Variants in THEMIS observed in about 807,000 individuals in gnomAD.
The protein encoded by THEMIS is protein THEMIS.
Under a neutral mutation model 52.6 loss-of-function variants are expected in THEMIS, and 37 were observed. The ratio of observed to expected loss-of-function variants is 0.70; its 90% confidence interval spans 0.54 to 0.93. The LOEUF (loss-of-function observed/expected upper bound fraction) is 0.93, where lower values mean the gene tolerates loss of function less well. Ranked by LOEUF, THEMIS falls within the 40% of genes least tolerant of loss-of-function variation. The probability of loss-of-function intolerance (pLI) is 0.00; values close to 1 mark genes in which losing one functional copy is unlikely to be tolerated. For missense variants in THEMIS, 808 were observed against 763.1 expected (o/e 1.06, Z -0.69); for synonymous variants, 292 against 272.7 (o/e 1.07, Z -0.70).
At chr6:127,777,292 A>G (rs928080519) in intron 4 of THEMIS, among the ~76,000 whole-genome samples, 1 of 151,160 alleles carries the variant, frequency 6.6e-6, no homozygotes, top group African/African-American at 2.4e-5. Flanking sequence ...CAATTATCTT[A>G]TTAGTGTTAC....
At chr6:127,858,698 T>C (rs1024386780) in intron 1 of THEMIS, among the ~76,000 whole-genome samples, 2 of 152,252 alleles carry the variant, frequency 1.3e-5, no homozygotes, top group Admixed American at 6.6e-5. Flanking sequence ...TATATAGACA[T>C]ACATATTAAA....
chr6:127,866,981 T>TTTATTTA (rs1225063709), intron 1 of THEMIS, among the ~76,000 whole-genome samples: 2 of 86,962 alleles, frequency 2.3e-5, no homozygotes, highest in Non-Finnish European at 5.2e-5. Flanking sequence ...TTATTTATTT[T>TTTATTTA]TTACTTTTGA....
intron 3 of THEMIS, among the ~76,000 whole-genome samples, chr6:127,826,389 A>G (rs1244220194): frequency 6.6e-6 from 1 of 152,182 alleles, no homozygotes; most frequent in Non-Finnish European, 1.5e-5. Flanking sequence ...TGTATCACTG[A>G]TTATACAATA....
chr6:127,816,748 G>A (rs1001325144), intron 3 of THEMIS, among the ~76,000 whole-genome samples: 1 of 152,086 alleles, frequency 6.6e-6, no homozygotes, highest in Non-Finnish European at 1.5e-5. Context: ...TAAGCCTACA[G>A]TGTCAGTCCT....
At chr6:127,759,824 C>CTCCT (rs1316431780) in intron 4 of THEMIS, among the ~76,000 whole-genome samples, 1 of 125,774 alleles carries the variant, frequency 8.0e-6, no homozygotes, top group Admixed American at 7.8e-5. Flanking sequence ...CATTCCTTCC[C>CTCCT]TCCTTCCCTC....
intron 5 of THEMIS, among the ~76,000 whole-genome samples, chr6:127,719,207 G>C (rs1167119348): frequency 6.6e-6 from 1 of 151,810 alleles, no homozygotes; most frequent in Non-Finnish European, 1.5e-5. Flanking sequence ...TCCTCCACAA[G>C]TCCGTTTGCT....
chr6:127,910,249 T>G (rs535088610), intron 1 of THEMIS, among the ~76,000 whole-genome samples: 8 of 152,300 alleles, frequency 5.3e-5, no homozygotes, highest in Admixed American at 1.3e-4. Flanking sequence ...GACTACCTTC[T>G]CAGTGTCTCT....
intron 4 of THEMIS, among the ~76,000 whole-genome samples, chr6:127,781,898 T>C (rs1776757615): frequency 6.6e-6 from 1 of 152,206 alleles, no homozygotes; most frequent in Non-Finnish European, 1.5e-5. Flanking sequence ...GGAGGCAGTC[T>C]GTCCCTTAGC....
intron 2 of THEMIS, among the ~76,000 whole-genome samples, chr6:127,846,090 G>GT: frequency 6.6e-6 from 1 of 152,080 alleles, no homozygotes; most frequent in South Asian, 2.1e-4. Context: ...TTTCAACTGT[G>GT]TAAGTAAATC....
At position 127,813,420 on chromosome 6, in the gene THEMIS, C is replaced by T. The variant is rs1778001584; in HGVS notation, c.1221G>A (p.Val407=). The T allele has an allele frequency of 3.7e-6, 6 of 1,613,922 alleles. 1 individual carries two copies. The East Asian group carries it at 1.3e-4, about 36-fold the overall frequency. The part of the protein sequence containing the change: ...TEVLCEGIKK[V]VNVLACEKIL... ...TTTTTTCACAGGCCAGAACATTCACCACTTTTTTTATTCCCTCACAGAGGA... is the reference window on the plus strand; with the variant it reads ...TTTTTTCACAGGCCAGAACATTCACTACTTTTTTTATTCCCTCACAGAGGA... The change falls in exon 4 of 6, where the codon GTG becomes GTA. Residue 407 remains valine (V), a synonymous_variant. Transcript: ENST00000368248.
At chr6:127,772,075 C>G (rs1776405432) in intron 4 of THEMIS, among the ~76,000 whole-genome samples, 1 of 151,984 alleles carries the variant, frequency 6.6e-6, no homozygotes, top group Admixed American at 6.6e-5. Flanking sequence ...TTCTAAAATG[C>G]TTTATAGTAT....
chr6:127,759,391 T>C (rs1775939861), intron 4 of THEMIS, among the ~76,000 whole-genome samples: 1 of 152,190 alleles, frequency 6.6e-6, no homozygotes, highest in Non-Finnish European at 1.5e-5. Flanking sequence ...TCATATAAAT[T>C]GAATATATTC....
chr6:127,909,012 T>C (rs1454606794), intron 1 of THEMIS, among the ~76,000 whole-genome samples: 2 of 151,904 alleles, frequency 1.3e-5, no homozygotes, highest in South Asian at 4.1e-4. Context: ...TCAACTTTCC[T>C]TTTAGATTTC....
At chr6:127,698,573 T>C in the THEMIS span, among the ~76,000 whole-genome samples, 1 of 152,106 alleles carries the variant, frequency 6.6e-6, no homozygotes, top group Non-Finnish European at 1.5e-5. Flanking sequence ...CCTGTTATAA[T>C]GTTTATCCTT....
At chr6:127,888,187 A>T (rs1487330845) in intron 1 of THEMIS, among the ~76,000 whole-genome samples, 4 of 152,126 alleles carry the variant, frequency 2.6e-5, no homozygotes, top group Non-Finnish European at 5.9e-5. Context: ...GCAGATTAAT[A>T]AGCAATAAAC....
chr6:127,851,005 C>G (rs1238127137), intron 2 of THEMIS, among the ~76,000 whole-genome samples: 1 of 151,378 alleles, frequency 6.6e-6, no homozygotes, highest in Non-Finnish European at 1.5e-5. Flanking sequence ...AAAATCGTGT[C>G]TACATAACTA....
At chr6:127,848,737 C>A (rs958336244) in intron 2 of THEMIS, among the ~76,000 whole-genome samples, 1 of 152,112 alleles carries the variant, frequency 6.6e-6, no homozygotes, top group Non-Finnish European at 1.5e-5. Flanking sequence ...TGAGAAGTGT[C>A]TGTTCATATC....
At chr6:127,704,451 C>T (rs1282884059), downstream of THEMIS, among the ~76,000 whole-genome samples, 1 of 152,118 alleles carries the variant, frequency 6.6e-6, no homozygotes, top group Non-Finnish European at 1.5e-5. Flanking sequence ...GTGTATGAAA[C>T]CTCTGGCAAG....
intron 4 of THEMIS, among the ~76,000 whole-genome samples, chr6:127,774,750 A>G (rs1393107379): frequency 6.6e-6 from 1 of 152,118 alleles, no homozygotes; most frequent in Non-Finnish European, 1.5e-5. Context: ...CTAAACCCCC[A>G]AATCTCATCA....
Sources: allele counts gnomAD v4.1 joint callset (sites outside exome capture counted in the v4.1 genomes callset), GRCh38; gene constraint gnomAD v4.1.1; transcripts MANE v1.5; gene names NCBI Gene and HGNC (gene_info 2026-07-23, HGNC 2026-07-21).